The following CFAP54 variants were observed in gnomAD, a reference collection of about 807,000 sequenced individuals.
CFAP54 encodes the protein cilia and flagella associated protein 54.
A neutral mutation model predicts 370.4 loss-of-function variants in CFAP54; 290 were observed. The ratio of observed to expected loss-of-function variants is 0.78; its 90% CI spans 0.71 to 0.86. The LOEUF (loss-of-function observed/expected upper bound fraction) is 0.86, where lower values mean the gene tolerates loss of function less well. Ranked by LOEUF, CFAP54 falls within the 40% of genes least tolerant of loss-of-function variation. The pLI is 0.00. For synonymous variants in CFAP54, 1,206 were observed against 1,236.5 expected, an observed-to-expected ratio of 0.98 and a Z score of 0.52; for missense variants, 3,399 against 3,528.7, an observed-to-expected ratio of 0.96 and a Z score of 0.93.
chr12:96,717,762 G>A (rs1201707828), intron 48 of CFAP54, among the ~76,000 whole-genome samples: 1 of 152,218 alleles, frequency 6.6e-6, no homozygotes, highest in South Asian at 2.1e-4. Context: ...CTTCCATGGA[G>A]ATCTTATTGA....
intron 32 of CFAP54, among the ~76,000 whole-genome samples, chr12:96,634,557 C>G (rs1369058661): frequency 2.0e-5 from 3 of 152,120 alleles, no homozygotes; most frequent in Non-Finnish European, 4.4e-5. Context: ...TCTTCTCATC[C>G]TCTTCACAGA....
chr12:96,804,739 C>A (rs1958859929), intron 63 of CFAP54, among the ~76,000 whole-genome samples: 1 of 151,730 alleles, frequency 6.6e-6, no homozygotes. Flanking sequence ...TAGAAAAAAA[C>A]AATCCTAAAA....
intron 1 of CFAP54, among the ~76,000 whole-genome samples, chr12:96,499,431 A>T (rs11108549): frequency 0.28 from 42,608 of 152,084 alleles, 6,237 homozygotes; most frequent in South Asian, 0.38. Context: ...CTACATGCCT[A>T]TTAGGAAGGC....
At chr12:96,804,539 A>G (rs1435940313) in intron 63 of CFAP54, among the ~76,000 whole-genome samples, 1 of 152,144 alleles carries the variant, frequency 6.6e-6, no homozygotes, top group Admixed American at 6.6e-5. Flanking sequence ...ATAAAACAAT[A>G]TCTAGGAATA....
chr12:96,753,947 T>C (rs778189531), intron 56 of CFAP54, 49 bp downstream of exon 56: 1 of 1,574,910 alleles, frequency 6.3e-7, no homozygotes, highest in South Asian at 1.2e-5. Context: ...TGGAATTCTT[T>C]TTTCTGTCAA....
At chr12:96,816,986 C>T (rs1021631935) in intron 64 of CFAP54, among the ~76,000 whole-genome samples, 3 of 152,208 alleles carry the variant, frequency 2.0e-5, no homozygotes, top group Admixed American at 6.5e-5. Flanking sequence ...CACTCCCATT[C>T]CCGACACACA....
At chr12:96,740,128 T>C in intron 51 of CFAP54, 67 bp downstream of exon 51, 1 of 906,948 alleles carries the variant, frequency 1.1e-6, no homozygotes, top group Non-Finnish European at 1.7e-6. Context: ...TGCTAGGATA[T>C]TGTCTAATTA....
chr12:96,759,830 G>A lies in CFAP54; in HGVS notation c.8040+2242G>A, dbSNP rs76880563. ...GGCTCTGAGAATTAAACAAGATAAT[G>A]GGCTTGTATGTAATAAGTACTTATA... On this transcript the variant is annotated intron_variant, in intron 58 of 67. Transcript: ENST00000524981. Among the ~76,000 whole-genome samples, 617 of 152,178 alleles carry A rather than the reference G, an allele frequency of 4.1e-3. 2 individuals are homozygous for A. Among genetic ancestry groups the A allele is most frequent in the African/African-American group, 0.014 (593 of 41,518 alleles).
intron 32 of CFAP54, among the ~76,000 whole-genome samples, chr12:96,637,951 C>A (rs1454733878): frequency 3.3e-5 from 5 of 152,056 alleles, no homozygotes; most frequent in Admixed American, 3.3e-4. Context: ...GGTTTGTAGC[C>A]TAGGTGTGTA....
chr12:96,852,564 A>G (rs1319071823), intron 66 of CFAP54, among the ~76,000 whole-genome samples: 1 of 152,118 alleles, frequency 6.6e-6, no homozygotes, highest in African/African-American at 2.4e-5. Flanking sequence ...CAATAAAGCT[A>G]GAGGAAATAA....
chr12:96,766,454 G>C (rs1443467271), intron 60 of CFAP54, among the ~76,000 whole-genome samples: 3 of 152,096 alleles, frequency 2.0e-5, no homozygotes, highest in African/African-American at 7.2e-5. Flanking sequence ...GCCAGGAGGA[G>C]CTGGTCACCA....
intron 66 of CFAP54, among the ~76,000 whole-genome samples, chr12:96,855,287 C>T (rs893439626): frequency 6.6e-6 from 1 of 152,054 alleles, no homozygotes; most frequent in Non-Finnish European, 1.5e-5. Flanking sequence ...TTCATTCTGC[C>T]CCTGGCCCCT....
chr12:96,560,235 A>C (rs551233382), intron 17 of CFAP54, among the ~76,000 whole-genome samples: 1 of 152,080 alleles, frequency 6.6e-6, no homozygotes, highest in Non-Finnish European at 1.5e-5. Context: ...CTATCTAACA[A>C]TATGTTTGTA....
intron 32 of CFAP54, among the ~76,000 whole-genome samples, chr12:96,642,614 G>A: frequency 6.6e-6 from 1 of 152,062 alleles, no homozygotes; most frequent in Non-Finnish European, 1.5e-5. Flanking sequence ...TTCCCTAATG[G>A]TGAGAATCCT....
intron 58 of CFAP54, among the ~76,000 whole-genome samples, chr12:96,759,483 A>T (rs1441067321): frequency 6.6e-6 from 1 of 152,200 alleles, no homozygotes; most frequent in Non-Finnish European, 1.5e-5. Flanking sequence ...ATGTTTTGAC[A>T]TAGTATAAAT....
At chr12:96,748,246 G>A (rs553432725) in intron 55 of CFAP54, among the ~76,000 whole-genome samples, 91 of 152,100 alleles carry the variant, frequency 6.0e-4, no homozygotes, top group African/African-American at 2.1e-3. Flanking sequence ...TAGAAGTTTC[G>A]CTCCTTCTCT....
chr12:96,746,039 T>A (rs956034303), intron 55 of CFAP54, among the ~76,000 whole-genome samples: 1 of 152,152 alleles, frequency 6.6e-6, no homozygotes, highest in African/African-American at 2.4e-5. Context: ...CTCTCTCTTT[T>A]CTCAGGGGAG....
At chr12:96,551,212 C>G (rs762338914) in intron 15 of CFAP54, among the ~76,000 whole-genome samples, 4 of 152,016 alleles carry the variant, frequency 2.6e-5, no homozygotes, top group African/African-American at 7.2e-5. Context: ...GAGGCAAGAT[C>G]GTGCCACTGT....
chr12:96,614,838 C>A (rs1371588663), intron 26 of CFAP54, among the ~76,000 whole-genome samples: 1 of 152,128 alleles, frequency 6.6e-6, no homozygotes, highest in African/African-American at 2.4e-5. Context: ...GAACTACAAA[C>A]CACTGCTCAA....
Sources: gnomAD v4.1 joint callset for allele counts (sites outside exome capture counted in the v4.1 genomes callset) on GRCh38, gnomAD v4.1.1 for gene constraint, MANE v1.5 for transcripts, NCBI Gene and HGNC (gene_info 2026-07-23, HGNC 2026-07-21) for gene names.